STK33: variants seen among roughly 807,000 people sequenced by gnomAD.
STK33 encodes serine/threonine kinase 33, also known as serine/threonine-protein kinase 33.
STK33 carries 52 observed loss-of-function variants against 58.0 expected under a neutral mutation model. The observed-to-expected ratio is 0.90, with a 90% confidence interval of 0.72 to 1.13. The LOEUF is 1.13. Among genes scored for constraint, STK33 ranks in the 50% most tolerant of loss-of-function variants. STK33 has a pLI of 0.00. For synonymous variants in STK33, 215 were observed against 200.1 expected (o/e 1.07, Z -0.63); for missense variants, 630 against 604.2 (o/e 1.04, Z -0.45).
chr11:8,504,126 C>T (rs1951706359), intron 1 of STK33, among the ~76,000 whole-genome samples: 1 of 152,202 alleles, frequency 6.6e-6, no homozygotes. Context: ...TTTATCTCCT[C>T]TACACAATAA....
At chr11:8,553,170 A>ATG (rs1956430543) in intron 1 of STK33, among the ~76,000 whole-genome samples, 1 of 9,108 alleles carries the variant, frequency 1.1e-4, no homozygotes, top group Non-Finnish European at 2.2e-4. Flanking sequence ...AAAATAAAAT[A>ATG]TATATATATA....
At chr11:8,500,388 TAGA>T (rs1951424590) in intron 1 of STK33, among the ~76,000 whole-genome samples, 1 of 152,054 alleles carries the variant, frequency 6.6e-6, no homozygotes, top group Non-Finnish European at 1.5e-5. Context: ...AGCAAGGTTA[TAGA>T]AGATCAATAT....
the STK33 span, among the ~76,000 whole-genome samples, chr11:8,336,398 G>A: frequency 1.3e-5 from 2 of 152,240 alleles, no homozygotes; most frequent in African/African-American, 4.8e-5. Flanking sequence ...TGGGGGCAGT[G>A]AGGACAGGGT....
rs570130018 is a variant in STK33 at position 8,395,492 on chromosome 11, G to C, written c.1345-2782C>G. On this transcript the variant is annotated intron_variant, in intron 15 of 15. Coordinates refer to ENST00000687296, the MANE Select transcript of STK33 (RefSeq NM_001352389.2). ...CAGTATGTCTTTATTAGCAGTATGA[G>C]AACAGACAAATACATTCATCTACTG... is the stretch of plus-strand genomic sequence containing the variant. 2.0e-5 allele frequency among the ~76,000 whole-genome samples: 3 copies of C among 152,248 alleles called. No homozygotes were observed. In the East Asian group the frequency reaches 5.8e-4, roughly 29 times the overall value.
chr11:8,410,304 A>G (rs959604111), intron 15 of STK33, among the ~76,000 whole-genome samples: 8 of 152,094 alleles, frequency 5.3e-5, no homozygotes, highest in African/African-American at 1.7e-4. Flanking sequence ...CATTTATCAA[A>G]ATAATTTTTC....
intron 2 of STK33, among the ~76,000 whole-genome samples, chr11:8,479,007 G>A (rs1353091309): frequency 6.6e-6 from 1 of 152,168 alleles, no homozygotes; most frequent in African/African-American, 2.4e-5. Flanking sequence ...AAATGTTTGA[G>A]TGATGTTTAC....
At chr11:8,451,923 G>T (rs983405683) in intron 11 of STK33, among the ~76,000 whole-genome samples, 10 of 152,086 alleles carry the variant, frequency 6.6e-5, no homozygotes, top group African/African-American at 2.4e-4. Flanking sequence ...ATGCAAAGAG[G>T]GCTGGGCATG....
At chr11:8,381,845 T>A in the STK33 span, among the ~76,000 whole-genome samples, 4 of 152,046 alleles carry the variant, frequency 2.6e-5, no homozygotes, top group East Asian at 7.8e-4. Flanking sequence ...ATTATGTTCC[T>A]TGCAATTTGG....
At chr11:8,528,419 A>C (rs1042571415) in intron 1 of STK33, among the ~76,000 whole-genome samples, 1 of 152,208 alleles carries the variant, frequency 6.6e-6, no homozygotes, top group Non-Finnish European at 1.5e-5. Flanking sequence ...CAATTTAGGA[A>C]CTGCTCCCTA....
intron 1 of STK33, among the ~76,000 whole-genome samples, chr11:8,494,234 A>T (rs1053118124): frequency 6.6e-6 from 1 of 152,240 alleles, no homozygotes; most frequent in Non-Finnish European, 1.5e-5. Context: ...TAAGCTGATA[A>T]GCAACTTCAG....
chr11:8,391,804 T>C (rs573632231), downstream of STK33: 1 of 152,786 alleles, frequency 6.5e-6, no homozygotes, highest in East Asian at 1.9e-4. Flanking sequence ...TAGAACAAAC[T>C]TATAATTTGC....
intron 1 of STK33, among the ~76,000 whole-genome samples, chr11:8,496,555 A>T (rs922612020): frequency 3.9e-5 from 6 of 152,068 alleles, no homozygotes; most frequent in East Asian, 3.8e-4. Context: ...TTATTTTTTT[A>T]AAATAAGCCT....
chr11:8,576,557 C>T (rs530032053), intron 1 of STK33, among the ~76,000 whole-genome samples: 1 of 152,332 alleles, frequency 6.6e-6, no homozygotes, highest in East Asian at 1.9e-4. Context: ...GTGAATATAA[C>T]AGATATTAAC....
At chr11:8,450,544 T>C (rs762990029) in intron 11 of STK33, among the ~76,000 whole-genome samples, 21 of 151,976 alleles carry the variant, frequency 1.4e-4, no homozygotes, top group Non-Finnish European at 2.8e-4. Context: ...ATCTTAGAAC[T>C]TAAAGTATAA....
intron 1 of STK33, among the ~76,000 whole-genome samples, chr11:8,541,000 A>ATG (rs1955474067): frequency 6.6e-6 from 1 of 150,762 alleles, no homozygotes; most frequent in Non-Finnish European, 1.5e-5. Context: ...CTCTCTATAT[A>ATG]TATATATATA....
At chr11:8,586,681 G>T (rs2031696987) in intron 1 of STK33, among the ~76,000 whole-genome samples, 1 of 151,954 alleles carries the variant, frequency 6.6e-6, no homozygotes, top group Admixed American at 6.6e-5. Flanking sequence ...AAAATTAGCT[G>T]GGCATGTTGG....
Position 8,458,147 on chromosome 11 carries a change from A to G in STK33, c.559-668T>C, listed in dbSNP as rs563979050. 2.6e-5 allele frequency among the ~76,000 whole-genome samples: 4 copies of G among 152,324 alleles called. No homozygotes were observed. In the South Asian group the frequency reaches 8.3e-4, roughly 32 times the overall value. On this transcript the variant is annotated intron_variant, in intron 8 of 15. Coordinates refer to ENST00000687296, the MANE Select transcript of STK33 (RefSeq NM_001352389.2). Reference sequence around the variant, plus strand: ...ACCAATTGTGCATTTCTAAATGAACATTCTAGCAGTAATGTAGAACAGGGC... The same window carrying G: ...ACCAATTGTGCATTTCTAAATGAACGTTCTAGCAGTAATGTAGAACAGGGC...
intron 11 of STK33, among the ~76,000 whole-genome samples, chr11:8,450,968 G>A (rs1169002633): frequency 1.3e-5 from 2 of 152,088 alleles, no homozygotes; most frequent in Non-Finnish European, 2.9e-5. Context: ...GTAATCATTA[G>A]GAAAATGCAA....
intron 1 of STK33, among the ~76,000 whole-genome samples, chr11:8,517,232 C>A: frequency 6.6e-6 from 1 of 152,284 alleles, no homozygotes; most frequent in African/African-American, 2.4e-5. Context: ...GTCTAGAGTA[C>A]GCCTCCAGCA....
Sources: allele counts gnomAD v4.1 joint callset (sites outside exome capture counted in the v4.1 genomes callset), GRCh38; gene constraint gnomAD v4.1.1; transcripts MANE v1.5; gene names NCBI Gene and HGNC (gene_info 2026-07-23, HGNC 2026-07-21).